The following ST7 variants were observed in gnomAD, a reference collection of about 807,000 sequenced individuals.
ST7 encodes suppression of tumorigenicity 7, also known as suppressor of tumorigenicity 7 protein.
ST7 carries 28 observed loss-of-function variants against 78.7 expected under a neutral mutation model. The ratio of observed to expected loss-of-function variants is 0.36; its 90% CI spans 0.26 to 0.49. ST7 has a LOEUF of 0.49. ST7 is among the 20% of genes least tolerant of loss of function. The pLI is 0.99. For synonymous variants in ST7, 247 were observed against 249.6 expected, an observed-to-expected ratio of 0.99 and a Z score of 0.10; for missense variants, 418 against 696.0, an observed-to-expected ratio of 0.60 and a Z score of 4.49.
chr7:117,076,902 G>T (rs1313605340), intron 1 of ST7, among the ~76,000 whole-genome samples: 3 of 152,230 alleles, frequency 2.0e-5, no homozygotes, highest in Non-Finnish European at 2.9e-5. Flanking sequence ...ACAGCCTTTT[G>T]TATCTGCATT....
intron 1 of ST7, chr7:116,972,903 C>A: frequency 1.5e-6 from 2 of 1,335,422 alleles, no homozygotes; most frequent in East Asian, 2.3e-5. Flanking sequence ...TGGTGGTGAT[C>A]CCAGCCATGG....
rs1439697109 is a variant in ST7 at position 117,022,401 on chromosome 7, C to T, written c.151+68710C>T. 2.0e-5 allele frequency among the ~76,000 whole-genome samples: 3 copies of T among 152,140 alleles called. No homozygotes were observed. The East Asian group carries it at 5.8e-4, about 29-fold the overall frequency. On this transcript the variant is annotated intron_variant, in intron 1 of 15. Transcript: ENST00000323984. Reference sequence around the variant, plus strand: ...CGTGTATACCTATGTAACAAACCTGCACATTCTGCACATGTACCCCAGAAC... The same window carrying T: ...CGTGTATACCTATGTAACAAACCTGTACATTCTGCACATGTACCCCAGAAC...
At chr7:117,046,747 G>C (rs942322080) in intron 1 of ST7, among the ~76,000 whole-genome samples, 5 of 152,204 alleles carry the variant, frequency 3.3e-5, no homozygotes, top group Non-Finnish European at 1.5e-5. Flanking sequence ...AAACATGGAA[G>C]AATGACAGGT....
In ST7 at chr7:117,050,587, A is replaced by G. The variant is rs908224473; in HGVS notation, c.152-49175A>G. On this transcript the variant is annotated intron_variant, in intron 1 of 15. Transcript: ENST00000323984. The stretch of plus-strand genomic sequence containing the variant: ...TTTATGGTAGTGAATGATATATTTA[A>G]TAGACTACCGTCTCTATATATTTTA... 3.9e-5 allele frequency among the ~76,000 whole-genome samples: 6 copies of G among 152,204 alleles called. No homozygotes were observed. The East Asian group carries it at 7.7e-4, about 20-fold the overall frequency.
At chr7:117,169,610 A>G (rs1807831705) in intron 9 of ST7, among the ~76,000 whole-genome samples, 1 of 152,084 alleles carries the variant, frequency 6.6e-6, no homozygotes, top group Admixed American at 6.6e-5. Flanking sequence ...GTTCACCATC[A>G]TAGTCCAGTC....
At chr7:117,061,727 G>A (rs1798364798) in intron 1 of ST7, among the ~76,000 whole-genome samples, 2 of 152,050 alleles carry the variant, frequency 1.3e-5, no homozygotes, top group Non-Finnish European at 2.9e-5. Flanking sequence ...AATAGAGAGG[G>A]ACACTGACAT....
At chr7:117,217,387 C>G (rs771485353) in intron 13 of ST7, among the ~76,000 whole-genome samples, 7 of 151,840 alleles carry the variant, frequency 4.6e-5, no homozygotes, top group African/African-American at 7.3e-5. Context: ...GCATTAAAAT[C>G]CTGCCGTAAT....
chr7:117,038,971 A>C (rs557153280), intron 1 of ST7, among the ~76,000 whole-genome samples: 1 of 152,226 alleles, frequency 6.6e-6, no homozygotes, highest in African/African-American at 2.4e-5. Context: ...GCCTTTTTTC[A>C]TTTAATAATA....
intron 2 of ST7, among the ~76,000 whole-genome samples, chr7:117,108,720 T>G (rs919268945): frequency 2.6e-5 from 4 of 152,222 alleles, no homozygotes; most frequent in Non-Finnish European, 4.4e-5. Flanking sequence ...TACCCATCCA[T>G]GAGCATGGGA....
chr7:116,983,301 A>T (rs1357674543), intron 1 of ST7, among the ~76,000 whole-genome samples: 1 of 152,044 alleles, frequency 6.6e-6, no homozygotes, highest in Non-Finnish European at 1.5e-5. Context: ...CCTTCTTTTC[A>T]TATTTGTTCA....
At chr7:116,993,133 G>A (rs924184047) in intron 1 of ST7, among the ~76,000 whole-genome samples, 2 of 152,150 alleles carry the variant, frequency 1.3e-5, no homozygotes, top group African/African-American at 4.8e-5. Context: ...TTCAGCCTCT[G>A]CCTGTTACCC....
chr7:117,229,292 G>T (rs937432488), intron 15 of ST7, among the ~76,000 whole-genome samples: 1 of 152,202 alleles, frequency 6.6e-6, no homozygotes, highest in Non-Finnish European at 1.5e-5. Flanking sequence ...CAGTAGGACC[G>T]CAAAGAAATT....
intron 1 of ST7, among the ~76,000 whole-genome samples, chr7:117,029,525 T>C (rs2116138820): frequency 6.6e-6 from 1 of 152,264 alleles, no homozygotes; most frequent in South Asian, 2.1e-4. Context: ...TATTTTCTTA[T>C]AGTCTGTAGC....
intron 9 of ST7, chr7:117,146,124 A>G (rs1210585420): frequency 6.6e-6 from 1 of 152,202 alleles, no homozygotes; most frequent in Non-Finnish European, 1.5e-5. Flanking sequence ...CATTTAACTC[A>G]CACATACCAT....
chr7:117,059,925 G>T (rs955826843), intron 1 of ST7, among the ~76,000 whole-genome samples: 1 of 151,842 alleles, frequency 6.6e-6, no homozygotes, highest in South Asian at 2.1e-4. Flanking sequence ...TGAGGCTGCA[G>T]TGAACCAAGA....
At chr7:117,211,205 A>G (rs1345347164) in intron 13 of ST7, among the ~76,000 whole-genome samples, 2 of 152,186 alleles carry the variant, frequency 1.3e-5, no homozygotes. Context: ...TTCTGCTTCT[A>G]TAGATTACTA....
At chr7:117,044,940 C>T (rs149775526) in intron 1 of ST7, among the ~76,000 whole-genome samples, 3 of 152,158 alleles carry the variant, frequency 2.0e-5, no homozygotes, top group Non-Finnish European at 4.4e-5. Context: ...GCCTCTCCCC[C>T]CTACTACTCA....
At chr7:117,037,051 G>T (rs191105005) in intron 1 of ST7, among the ~76,000 whole-genome samples, 223 of 152,292 alleles carry the variant, frequency 1.5e-3, no homozygotes, top group African/African-American at 5.1e-3. Flanking sequence ...GGCAATACAA[G>T]TGGAGAGAGC....
chr7:117,058,818 T>A (rs1798197678), intron 1 of ST7, among the ~76,000 whole-genome samples: 1 of 152,018 alleles, frequency 6.6e-6, no homozygotes, highest in Non-Finnish European at 1.5e-5. Context: ...GATAAATGGA[T>A]AAAGAAAATG....
Sources: allele counts gnomAD v4.1 joint callset (sites outside exome capture counted in the v4.1 genomes callset), GRCh38; gene constraint gnomAD v4.1.1; transcripts MANE v1.5; gene names NCBI Gene and HGNC (gene_info 2026-07-23, HGNC 2026-07-21).